The following CWC27 variants were observed in gnomAD, a reference collection of about 807,000 sequenced individuals.
CWC27 encodes spliceosome-associated protein CWC27 homolog.
A neutral mutation model predicts 63.6 loss-of-function variants in CWC27; 47 were observed. The ratio of observed to expected loss-of-function variants is 0.74; its 90% CI spans 0.58 to 0.94. The LOEUF (loss-of-function observed/expected upper bound fraction) is 0.94, where lower values mean the gene tolerates loss of function less well. CWC27 is among the 40% of genes least tolerant of loss of function. CWC27 has a pLI of 0.00. For missense variants in CWC27, 495 were observed against 554.3 expected (o/e 0.89, Z 1.07); for synonymous variants, 175 against 179.8 (o/e 0.97, Z 0.22).
intron 12 of CWC27, among the ~76,000 whole-genome samples, chr5:64,974,912 G>T (rs1207019553): frequency 6.6e-6 from 1 of 152,076 alleles, no homozygotes; most frequent in African/African-American, 2.4e-5. Context: ...AATGAGTAAG[G>T]TTTAAAAACA....
At chr5:64,945,061 C>T (rs961644627) in intron 11 of CWC27, among the ~76,000 whole-genome samples, 22 of 152,234 alleles carry the variant, frequency 1.4e-4, no homozygotes, top group African/African-American at 5.3e-4. Flanking sequence ...TGTTCCCTGC[C>T]TCAGGGCCAT....
intron 11 of CWC27, among the ~76,000 whole-genome samples, chr5:64,960,502 A>C (rs1748886991): frequency 1.3e-5 from 2 of 152,098 alleles, no homozygotes; most frequent in South Asian, 4.1e-4. Context: ...TTCAAGTCTG[A>C]TACTTTTCCT....
At chr5:64,889,801 G>A (rs987522256) in intron 11 of CWC27, among the ~76,000 whole-genome samples, 2 of 152,122 alleles carry the variant, frequency 1.3e-5, no homozygotes, top group East Asian at 3.9e-4. Flanking sequence ...GGACAATCCT[G>A]TTTACAGCCT....
At chr5:64,976,272 C>T (rs1252225415) in intron 12 of CWC27, among the ~76,000 whole-genome samples, 1 of 152,048 alleles carries the variant, frequency 6.6e-6, no homozygotes, top group African/African-American at 2.4e-5. Flanking sequence ...ATAGGAATTA[C>T]TCAGTCAGGG....
At chr5:64,847,857 C>T (rs908402304) in intron 10 of CWC27, among the ~76,000 whole-genome samples, 1 of 151,352 alleles carries the variant, frequency 6.6e-6, no homozygotes, top group Non-Finnish European at 1.5e-5. Flanking sequence ...CATACTAAGA[C>T]TTACGGGATA....
At chr5:64,924,617 A>G (rs1353291244) in intron 11 of CWC27, among the ~76,000 whole-genome samples, 1 of 152,124 alleles carries the variant, frequency 6.6e-6, no homozygotes, top group Non-Finnish European at 1.5e-5. Flanking sequence ...AAATGTGCAC[A>G]TCCTTTTGCT....
chr5:64,769,227 C>G (rs752418945), intron 1 of CWC27, 39 bp downstream of exon 1: 1 of 1,600,366 alleles, frequency 6.2e-7, no homozygotes, highest in Non-Finnish European at 8.6e-7. Context: ...TCCTGGGATC[C>G]CCAAAGTGAG....
At chr5:64,941,232 GGAAAATCATATTTA>G (rs1307407409) in intron 11 of CWC27, among the ~76,000 whole-genome samples, 11 of 152,114 alleles carry the variant, frequency 7.2e-5, no homozygotes, top group Non-Finnish European at 1.6e-4. Context: ...TTCTTTAAGA[GGAAAATCATATTTA>G]GAAAATCAAG....
At chr5:64,994,054 TTAA>T (rs1561182744) in intron 13 of CWC27, among the ~76,000 whole-genome samples, 2 of 152,334 alleles carry the variant, frequency 1.3e-5, no homozygotes, top group South Asian at 2.1e-4. Flanking sequence ...TTAAATGAAA[TTAA>T]TAATAATTAT....
intron 5 of CWC27, among the ~76,000 whole-genome samples, chr5:64,786,164 CAAAA>C (rs1209111233): frequency 3.4e-3 from 216 of 64,266 alleles, no homozygotes; most frequent in African/African-American, 0.011. Flanking sequence ...GACTCCATCT[CAAAA>C]AAAAAAAAAA....
At chr5:64,838,515 C>T (rs1287399766) in intron 10 of CWC27, among the ~76,000 whole-genome samples, 2 of 152,162 alleles carry the variant, frequency 1.3e-5, no homozygotes, top group Non-Finnish European at 2.9e-5. Context: ...ATTTTCATCA[C>T]TATTCCAGGG....
intron 11 of CWC27, among the ~76,000 whole-genome samples, chr5:64,954,191 C>T (rs1465583722): frequency 6.6e-6 from 1 of 152,126 alleles, no homozygotes; most frequent in East Asian, 1.9e-4. Context: ...ATCTAGTGAT[C>T]ACATCATTTT....
chr5:64,810,426 G>A (rs1188082882), intron 10 of CWC27, among the ~76,000 whole-genome samples: 2 of 151,640 alleles, frequency 1.3e-5, no homozygotes. Flanking sequence ...TTCTATTTCT[G>A]TGAAAAATGA....
intron 12 of CWC27, among the ~76,000 whole-genome samples, chr5:64,974,532 A>G (rs1749190613): frequency 6.6e-6 from 1 of 152,184 alleles, no homozygotes; most frequent in African/African-American, 2.4e-5. Context: ...AGCCCCCATG[A>G]TTCAATTACC....
At position 64,930,708 on chromosome 5, in the gene CWC27, T is replaced by C. The variant is rs376700051; in HGVS notation, c.1043-40995T>C. Among the ~76,000 whole-genome samples the C allele has an allele frequency of 3.9e-5, 6 of 152,264 alleles. No individual in the cohort carries two copies. The East Asian group carries it at 1.2e-3, about 29-fold the overall frequency. On this transcript the variant is annotated intron_variant, in intron 11 of 13. Transcript: ENST00000381070. ...AAACTGTCTCCCCACTAATTGCTTA[T>C]TAGTTGCACACTGATCTGTAATAGA... is the stretch of plus-strand genomic sequence containing the variant.
At chr5:64,966,939 T>A (rs1447566563) in intron 11 of CWC27, among the ~76,000 whole-genome samples, 1 of 152,144 alleles carries the variant, frequency 6.6e-6, no homozygotes, top group African/African-American at 2.4e-5. Flanking sequence ...GGATTGGAAG[T>A]TGTTCATTGG....
intron 10 of CWC27, chr5:64,807,727 T>A (rs1744736847): frequency 2.0e-6 from 3 of 1,535,910 alleles, no homozygotes; most frequent in South Asian, 2.4e-5. Flanking sequence ...GCTTCCTTAT[T>A]ACTCACTCGC....
intron 13 of CWC27, among the ~76,000 whole-genome samples, chr5:64,982,209 G>T (rs1288551264): frequency 1.3e-5 from 2 of 152,122 alleles, no homozygotes; most frequent in African/African-American, 4.8e-5. Flanking sequence ...AAAGAACATA[G>T]CTTCATCTCA....
intron 13 of CWC27, among the ~76,000 whole-genome samples, chr5:64,995,598 A>T (rs1749617047): frequency 6.6e-6 from 1 of 152,136 alleles, no homozygotes; most frequent in African/African-American, 2.4e-5. Context: ...TAGCCACCAC[A>T]ACTGAATAAT....
Sources: gnomAD v4.1 joint callset for allele counts (sites outside exome capture counted in the v4.1 genomes callset) on GRCh38, gnomAD v4.1.1 for gene constraint, MANE v1.5 for transcripts, NCBI Gene and HGNC (gene_info 2026-07-23, HGNC 2026-07-21) for gene names.